The following EVI5 variants were observed in gnomAD, a reference collection of about 807,000 sequenced individuals.
EVI5 encodes ecotropic viral integration site 5, also known as ecotropic viral integration site 5 protein homolog.
EVI5 carries 73 observed loss-of-function variants against 112.0 expected under a neutral mutation model. The observed-to-expected ratio is 0.65, with a 90% CI of 0.54 to 0.79. The LOEUF (loss-of-function observed/expected upper bound fraction) is 0.79, where lower values mean the gene tolerates loss of function less well. Ranked by LOEUF, EVI5 falls within the 30% of genes least tolerant of loss-of-function variation. The probability of loss-of-function intolerance (pLI) is 0.00; values close to 1 mark genes in which losing one functional copy is unlikely to be tolerated. For missense variants in EVI5, 900 were observed against 968.8 expected (o/e 0.93, Z 0.94); for synonymous variants, 305 against 319.9 (o/e 0.95, Z 0.50).
chr1:92,660,237 T>C (rs1392625873), intron 13 of EVI5, among the ~76,000 whole-genome samples: 3 of 151,982 alleles, frequency 2.0e-5, no homozygotes, highest in Non-Finnish European at 4.4e-5. Flanking sequence ...AATAACACTA[T>C]TGAGCCATTT....
At chr1:92,678,298 AG>A (rs1234185031) in intron 9 of EVI5, among the ~76,000 whole-genome samples, 1 of 152,154 alleles carries the variant, frequency 6.6e-6, no homozygotes, top group African/African-American at 2.4e-5. Context: ...TGGGGGGCCA[AG>A]GGGGGCCAAG....
rs990926660 is a variant in EVI5, at chr1:92,563,636, A to G, written c.2166+6T>C. On this transcript the variant is annotated splice_donor_region_variant and intron_variant, in intron 19 of 19. Coordinates refer to ENST00000684568, the MANE Select transcript of EVI5 (RefSeq NM_001350197.2). ...CAATATGTGAAGATCAAAATTTATC[A>G]CTTACCTCATGATTCAGCTCTGCTA... 11 of 1,489,250 alleles carry G rather than the reference A, an allele frequency of 7.4e-6. No individual in the cohort carries two copies. In the African/African-American group the frequency reaches 1.1e-4, roughly 15 times the overall value. The allele number at this position is 1,489,250 out of a possible 1,614,324, so 92.3% of individuals were successfully genotyped here. A position where few individuals can be genotyped will look rare whatever the true frequency, so the allele number is the denominator to read the frequency against.
chr1:92,789,355 T>C (rs1448342796), upstream of EVI5, among the ~76,000 whole-genome samples: 2 of 151,604 alleles, frequency 1.3e-5, no homozygotes, highest in African/African-American at 2.4e-5. Flanking sequence ...CAGGCTGGAG[T>C]GCAGTGGCAA....
chr1:92,703,451 T>C lies in EVI5; in HGVS notation c.508A>G (p.Asn170Asp). Reference sequence around the variant, plus strand: ...AGGCTATCTTTTTCCTTAAAAAAGTTGTGTTCAGGGTAAGTTCTAGCAATG... The same window carrying C: ...AGGCTATCTTTTTCCTTAAAAAAGTCGTGTTCAGGGTAAGTTCTAGCAATG... ...RDIARTYPEH[N>D]FFKEKDSLGQ... Residue 170 changes from asparagine (N) to aspartate (D), a missense_variant, in exon 4 of 20, where the codon AAC becomes GAC. Coordinates refer to ENST00000684568, the MANE Select transcript of EVI5 (RefSeq NM_001350197.2). The C allele has an allele frequency of 6.3e-7, 1 of 1,589,956 alleles. No homozygotes were observed. The highest frequency in any genetic ancestry group is 8.5e-7 in the Non-Finnish European group (1 of 1,173,786).
At chr1:92,718,635 A>G (rs1674195638) in intron 2 of EVI5, among the ~76,000 whole-genome samples, 1 of 152,228 alleles carries the variant, frequency 6.6e-6, no homozygotes, top group Non-Finnish European at 1.5e-5. Flanking sequence ...TAAAAGAACT[A>G]GAGAAGCAAG....
At chr1:92,614,186 C>T (rs1371131331) in intron 16 of EVI5, among the ~76,000 whole-genome samples, 1 of 152,136 alleles carries the variant, frequency 6.6e-6, no homozygotes, top group Admixed American at 6.5e-5. Context: ...TTGAATCTCC[C>T]ACTTTAAAGG....
intron 16 of EVI5, among the ~76,000 whole-genome samples, chr1:92,617,024 C>T (rs6668584): frequency 0.92 from 140,323 of 152,290 alleles, 64,735 homozygotes; most frequent in East Asian, 0.97. Context: ...TTCTCCAGCC[C>T]GCACTGATGG....
At chr1:92,676,879 A>C (rs1009074025) in intron 10 of EVI5, among the ~76,000 whole-genome samples, 10 of 152,172 alleles carry the variant, frequency 6.6e-5, no homozygotes, top group African/African-American at 2.4e-4. Context: ...ACTTTAAAAA[A>C]CATGCTTAAA....
At chr1:92,634,730 G>A (rs887584681) in intron 14 of EVI5, among the ~76,000 whole-genome samples, 9 of 152,192 alleles carry the variant, frequency 5.9e-5, no homozygotes, top group Admixed American at 1.3e-4. Context: ...GAGGAGCTGC[G>A]TTCCTTTAGA....
intron 18 of EVI5, among the ~76,000 whole-genome samples, chr1:92,576,184 T>C (rs1276848084): frequency 6.6e-6 from 1 of 152,230 alleles, no homozygotes; most frequent in Non-Finnish European, 1.5e-5. Context: ...ACATGTATTC[T>C]ACCTTAGAGT....
chr1:92,583,290 C>A lies in EVI5; in HGVS notation c.2071-19553G>T, dbSNP rs946946127. Among the ~76,000 whole-genome samples the A allele has an allele frequency of 4.6e-5, 7 of 151,880 alleles. 1 individual carries two copies. Among genetic ancestry groups the A allele is most frequent in the African/African-American group, 1.7e-4 (7 of 41,366 alleles). On this transcript the variant is annotated intron_variant, in intron 18 of 19. Coordinates refer to ENST00000684568, the MANE Select transcript of EVI5 (RefSeq NM_001350197.2). ...CTGGGAGGCTGAGGTGGGTGGATCACTTGAGGTCAGAAGTTTTGAGACCAG... is the reference window on the plus strand; with the variant it reads ...CTGGGAGGCTGAGGTGGGTGGATCAATTGAGGTCAGAAGTTTTGAGACCAG...
intron 2 of EVI5, among the ~76,000 whole-genome samples, chr1:92,717,448 T>A (rs1307558495): frequency 6.6e-6 from 1 of 152,090 alleles, no homozygotes; most frequent in Non-Finnish European, 1.5e-5. Flanking sequence ...CAAACTAAGC[T>A]TCAGAAGTGA....
At chr1:92,769,808 A>C (rs1472535308) in intron 1 of EVI5, among the ~76,000 whole-genome samples, 2 of 151,978 alleles carry the variant, frequency 1.3e-5, no homozygotes, top group Admixed American at 6.6e-5. Context: ...AATGGCATGA[A>C]CCCGAGAGGC....
chr1:92,737,357 C>T (rs767241220), intron 1 of EVI5, among the ~76,000 whole-genome samples: 1 of 152,094 alleles, frequency 6.6e-6, no homozygotes, highest in Non-Finnish European at 1.5e-5. Flanking sequence ...GTTAATGTGG[C>T]AATTGTAAAA....
chr1:92,673,903 A>C (rs534113056), intron 10 of EVI5, among the ~76,000 whole-genome samples: 1 of 152,334 alleles, frequency 6.6e-6, no homozygotes, highest in East Asian at 1.9e-4. Context: ...TTATAATTTA[A>C]TTAAAGTAAA....
chr1:92,789,071 A>G (rs2103153342), upstream of EVI5, among the ~76,000 whole-genome samples: 1 of 152,268 alleles, frequency 6.6e-6, no homozygotes, highest in East Asian at 1.9e-4. Context: ...AGTCAGTTGA[A>G]TGCCAGAAGT....
At chr1:92,698,800 G>A (rs1049717829) in intron 5 of EVI5, among the ~76,000 whole-genome samples, 36 of 152,022 alleles carry the variant, frequency 2.4e-4, no homozygotes, top group Admixed American at 2.3e-3. Flanking sequence ...TATAAATTAA[G>A]TTTTCACATT....
intron 19 of EVI5, among the ~76,000 whole-genome samples, chr1:92,553,599 C>G (rs553720069): frequency 8.7e-4 from 133 of 152,078 alleles, no homozygotes; most frequent in Non-Finnish European, 9.3e-4. Context: ...CCGTGCCCAG[C>G]CAATTTTTGT....
chr1:92,739,273 CAAAAAAAA>C (rs72016918), intron 1 of EVI5, among the ~76,000 whole-genome samples: 7 of 76,468 alleles, frequency 9.2e-5, no homozygotes, highest in African/African-American at 2.1e-4. Context: ...AACTCCGTCT[CAAAAAAAA>C]AAAAAAAAAA....
Sources: allele counts gnomAD v4.1 joint callset (sites outside exome capture counted in the v4.1 genomes callset), GRCh38; gene constraint gnomAD v4.1.1; transcripts MANE v1.5; gene names NCBI Gene and HGNC (gene_info 2026-07-23, HGNC 2026-07-21).